Variants in PAX5 observed in about 807,000 individuals in gnomAD.
The protein encoded by PAX5 is paired box protein Pax-5.
PAX5 carries 9 observed loss-of-function variants against 43.7 expected under a neutral mutation model. The ratio of observed to expected loss-of-function variants is 0.21; its 90% CI spans 0.12 to 0.36. The LOEUF is 0.36. Among genes scored for constraint, PAX5 ranks in the 10% least tolerant of loss-of-function variants. The pLI is 1.00. For missense variants in PAX5, 383 were observed against 532.7 expected, an observed-to-expected ratio of 0.72 and a Z score of 2.77; for synonymous variants, 228 against 214.3, an observed-to-expected ratio of 1.06 and a Z score of -0.56.
At chr9:36,854,434 C>T (rs1823458911) in intron 8 of PAX5, among the ~76,000 whole-genome samples, 1 of 151,930 alleles carries the variant, frequency 6.6e-6, no homozygotes, top group South Asian at 2.1e-4. Flanking sequence ...TGTGTACACA[C>T]ACACATACAC....
At chr9:36,966,925 T>C (rs1221852157) in intron 5 of PAX5, among the ~76,000 whole-genome samples, 1 of 152,194 alleles carries the variant, frequency 6.6e-6, no homozygotes, top group Non-Finnish European at 1.5e-5. Flanking sequence ...CCCGCAGCCA[T>C]GTGCCAGGGA....
At chr9:36,998,848 T>G (rs1837616018) in intron 5 of PAX5, among the ~76,000 whole-genome samples, 2 of 152,334 alleles carry the variant, frequency 1.3e-5, no homozygotes, top group African/African-American at 2.4e-5. Context: ...TAGCATCAAA[T>G]TTTTTATATG....
At position 36,882,613 on chromosome 9, in the gene PAX5, G is replaced by A. The variant is rs1455683185; in HGVS notation, c.911-508C>T. 3.3e-5 allele frequency among the ~76,000 whole-genome samples: 5 copies of A among 152,196 alleles called. No individual in the cohort carries two copies. Among genetic ancestry groups the A allele is most frequent in the African/African-American group, 1.2e-4 (5 of 41,434 alleles). Reference sequence around the variant, plus strand: ...CTCCTCTCCTCAACAGCCCCCCACAGTGAACAGGGGGCATATCTGCCTCAA... The same window carrying A: ...CTCCTCTCCTCAACAGCCCCCCACAATGAACAGGGGGCATATCTGCCTCAA... On this transcript the variant is annotated intron_variant, in intron 7 of 9. Transcript: ENST00000358127. This position sits in a 1 kb window ranked among gnomAD's most constrained non-coding sequence, Gnocchi z 4.4.
At chr9:36,898,190 A>G (rs546458218) in intron 7 of PAX5, among the ~76,000 whole-genome samples, 2 of 152,340 alleles carry the variant, frequency 1.3e-5, no homozygotes, top group Admixed American at 6.5e-5. Context: ...AAGAAAATAG[A>G]ACATTCAAAC....
At chr9:36,885,813 T>C (rs540649369) in intron 7 of PAX5, among the ~76,000 whole-genome samples, 3 of 152,228 alleles carry the variant, frequency 2.0e-5, no homozygotes, top group Non-Finnish European at 2.9e-5. Flanking sequence ...GAAAAAGAAA[T>C]AGTAATTTAA....
At chr9:36,897,355 C>T (rs991540168) in intron 7 of PAX5, among the ~76,000 whole-genome samples, 2 of 152,036 alleles carry the variant, frequency 1.3e-5, no homozygotes, top group South Asian at 2.1e-4. Flanking sequence ...GGGGAGGGGT[C>T]GATCTGTTCC....
At chr9:36,879,603 A>G (rs1160908651) in intron 8 of PAX5, among the ~76,000 whole-genome samples, 1 of 152,114 alleles carries the variant, frequency 6.6e-6, no homozygotes, top group African/African-American at 2.4e-5. Flanking sequence ...ACTGGGGTTC[A>G]AGTCCTCCTC....
chr9:37,026,072 A>T (rs1840327838), intron 1 of PAX5, among the ~76,000 whole-genome samples: 1 of 152,066 alleles, frequency 6.6e-6, no homozygotes, highest in African/African-American at 2.4e-5. Flanking sequence ...CTCCACACAT[A>T]CAGACACGGG....
At chr9:36,870,067 GA>G in intron 8 of PAX5, among the ~76,000 whole-genome samples, 1 of 88,596 alleles carries the variant, frequency 1.1e-5, no homozygotes, top group African/African-American at 4.2e-5. Context: ...TAAATGGATG[GA>G]TGGATGGATG....
chr9:36,875,771 G>A (rs533093300), intron 8 of PAX5, among the ~76,000 whole-genome samples: 3 of 152,240 alleles, frequency 2.0e-5, no homozygotes, highest in African/African-American at 2.4e-5. Flanking sequence ...CGCCAGTTTC[G>A]ACAAGGAAGG....
At chr9:36,912,460 G>A (rs975279483) in intron 7 of PAX5, among the ~76,000 whole-genome samples, 1 of 152,220 alleles carries the variant, frequency 6.6e-6, no homozygotes, top group African/African-American at 2.4e-5. Flanking sequence ...TGGCTTCCCT[G>A]CTGACATTCT....
intron 3 of PAX5, 107 bp downstream of exon 3, chr9:37,014,890 C>T: frequency 9.8e-7 from 1 of 1,015,658 alleles, no homozygotes; most frequent in Non-Finnish European, 1.5e-6. Context: ...CCCTAAGGGG[C>T]CTTGGTGAAA....
At chr9:36,896,033 C>T (rs1297801297) in intron 7 of PAX5, among the ~76,000 whole-genome samples, 2 of 152,166 alleles carry the variant, frequency 1.3e-5, no homozygotes, top group African/African-American at 4.8e-5. Context: ...TAAATGTCCT[C>T]ACCTGTGCAC....
intron 5 of PAX5, among the ~76,000 whole-genome samples, chr9:36,978,015 C>T (rs1564031682): frequency 6.6e-6 from 1 of 152,236 alleles, no homozygotes; most frequent in Non-Finnish European, 1.5e-5. Flanking sequence ...TTCAGCATCA[C>T]TATCCATTAT....
At chr9:36,979,428 T>C (rs553018229) in intron 5 of PAX5, among the ~76,000 whole-genome samples, 1 of 152,334 alleles carries the variant, frequency 6.6e-6, no homozygotes, top group East Asian at 1.9e-4. Flanking sequence ...TATAGGGGCA[T>C]ATTCTTGTAT....
At chr9:36,982,914 T>C (rs1836063466) in intron 5 of PAX5, among the ~76,000 whole-genome samples, 2 of 152,318 alleles carry the variant, frequency 1.3e-5, no homozygotes, top group South Asian at 2.1e-4. Context: ...TCGGTAAGCA[T>C]GATCAGATCA....
intron 6 of PAX5, among the ~76,000 whole-genome samples, chr9:36,935,137 T>C (rs1563984738): frequency 6.6e-6 from 1 of 152,146 alleles, no homozygotes; most frequent in East Asian, 1.9e-4. Flanking sequence ...ATCCCAGCCC[T>C]TTGGGAGGCC....
intron 1 of PAX5, chr9:37,026,504 T>C: frequency 7.6e-7 from 1 of 1,319,846 alleles, no homozygotes; most frequent in Non-Finnish European, 9.9e-7. Context: ...GGCGGGAGAG[T>C]GAGAGAAGCG....
chr9:36,997,943 C>T (rs1346029900), intron 5 of PAX5, among the ~76,000 whole-genome samples: 1 of 152,222 alleles, frequency 6.6e-6, no homozygotes, highest in African/African-American at 2.4e-5. Flanking sequence ...GCCACCCAGG[C>T]TAGAACAGGC....
Sources: gnomAD v4.1 joint callset for allele counts (sites outside exome capture counted in the v4.1 genomes callset) on GRCh38, gnomAD v4.1.1 for gene constraint, Gnocchi (gnomAD v3.1) non-coding constraint, MANE v1.5 for transcripts, NCBI Gene and HGNC (gene_info 2026-07-23, HGNC 2026-07-21) for gene names.